Variants in LRBA observed in about 807,000 individuals in gnomAD.
The protein encoded by LRBA is lipopolysaccharide-responsive and beige-like anchor protein.
In LRBA, 176 loss-of-function variants were observed where a neutral mutation model predicts 330.0. The observed-to-expected ratio is 0.53, with a 90% CI of 0.47 to 0.60. The LOEUF is 0.60. Ranked by LOEUF, LRBA falls within the 20% of genes least tolerant of loss-of-function variation. The pLI is 0.00. For missense variants in LRBA, 3,259 were observed against 3,444.8 expected (o/e 0.95, Z 1.35); for synonymous variants, 1,230 against 1,193.0 (o/e 1.03, Z -0.64).
At chr4:150,903,036 T>C (rs1730926211) in intron 13 of LRBA, among the ~76,000 whole-genome samples, 1 of 152,110 alleles carries the variant, frequency 6.6e-6, no homozygotes, top group Non-Finnish European at 1.5e-5. Flanking sequence ...CTGAGAACAA[T>C]GGGAAACCAT....
chr4:150,988,817 TC>T (rs1316665370), intron 2 of LRBA, among the ~76,000 whole-genome samples: 3 of 151,992 alleles, frequency 2.0e-5, no homozygotes, highest in Non-Finnish European at 4.4e-5. Context: ...GACCTTGTGA[TC>T]CACCCACCTG....
At chr4:150,619,725 G>A (rs1776118119) in intron 37 of LRBA, among the ~76,000 whole-genome samples, 1 of 152,064 alleles carries the variant, frequency 6.6e-6, no homozygotes, top group Admixed American at 6.5e-5. Flanking sequence ...CTTCCCCACT[G>A]TTTGTATGAA....
intron 40 of LRBA, among the ~76,000 whole-genome samples, chr4:150,510,342 G>A (rs1018175252): frequency 1.3e-5 from 2 of 152,068 alleles, no homozygotes; most frequent in Non-Finnish European, 2.9e-5. Flanking sequence ...GAATATTAAA[G>A]AGGAAAGAAT....
At chr4:150,278,278 G>T (rs1360944913) in intron 55 of LRBA, among the ~76,000 whole-genome samples, 2 of 152,230 alleles carry the variant, frequency 1.3e-5, no homozygotes, top group South Asian at 2.1e-4. Flanking sequence ...CTGGAATGGT[G>T]TGTGTTGTGG....
intron 15 of LRBA, among the ~76,000 whole-genome samples, chr4:150,897,249 A>C (rs924311805): frequency 6.6e-6 from 1 of 152,042 alleles, no homozygotes; most frequent in African/African-American, 2.4e-5. Context: ...ATATATTGCT[A>C]TCTTATAAAA....
At chr4:150,769,013 C>T (rs1205367647) in intron 34 of LRBA, among the ~76,000 whole-genome samples, 2 of 137,860 alleles carry the variant, frequency 1.5e-5, no homozygotes, top group Admixed American at 8.3e-5. Context: ...TCTCGGCTCA[C>T]TGCAACCTCC....
At chr4:150,954,851 C>T (rs1272259739) in intron 2 of LRBA, among the ~76,000 whole-genome samples, 3 of 91,468 alleles carry the variant, frequency 3.3e-5, no homozygotes, top group South Asian at 7.4e-4. Context: ...ATAAAAGGAA[C>T]ACCAAGTATA....
chr4:150,528,753 A>T (rs1301835460), intron 40 of LRBA, among the ~76,000 whole-genome samples: 1 of 152,152 alleles, frequency 6.6e-6, no homozygotes, highest in Non-Finnish European at 1.5e-5. Context: ...AGGAATTTTT[A>T]AAAGGGGTTA....
At position 150,828,228 on chromosome 4, in the gene LRBA, A is replaced by C. The variant is rs1292890681; in HGVS notation, c.5123T>G (p.Leu1708Arg). 2 of 1,614,084 alleles carry C rather than the reference A, an allele frequency of 1.2e-6. No homozygotes were observed. The highest frequency in any genetic ancestry group is 8.5e-7 in the Non-Finnish European group (1 of 1,179,962). Residue 1708 changes from leucine (L) to arginine (R), a missense_variant, in exon 30 of 57, where the codon CTT (leucine) becomes CGT (arginine). Leu to Arg is a moderately radical substitution (Grantham distance 102). Transcript: ENST00000651943. Reference protein sequence around the residue: ...ALLPPACLGALGDLSVEQPVQ... With the variant: ...ALLPPACLGARGDLSVEQPVQ... Reference sequence around the variant, plus strand: ...GGGTTGTTCCACAGATAGATCACCAAGGGCTCCAAGGCAGGCTGGTGGCAG... The same window carrying C: ...GGGTTGTTCCACAGATAGATCACCACGGGCTCCAAGGCAGGCTGGTGGCAG...
chr4:150,749,776 GA>G (rs1030604018), intron 35 of LRBA, among the ~76,000 whole-genome samples: 10 of 145,566 alleles, frequency 6.9e-5, no homozygotes, highest in East Asian at 6.0e-4. Context: ...CAAATAAGCA[GA>G]AAAAAAAAAC....
chr4:150,432,453 C>CTTGTTTTTTTTT (rs1750534126), intron 46 of LRBA, among the ~76,000 whole-genome samples: 2 of 98,438 alleles, frequency 2.0e-5, no homozygotes, highest in East Asian at 3.2e-4. Flanking sequence ...TAAGTGTGTT[C>CTTGTTTTTTTTT]TTTTTTTTTT....
chr4:150,974,027 C>T (rs952505184), intron 2 of LRBA, among the ~76,000 whole-genome samples: 27 of 152,160 alleles, frequency 1.8e-4, no homozygotes, highest in African/African-American at 6.5e-4. Context: ...ACAATGAGTA[C>T]GGTATGCAAA....
chr4:150,949,341 T>G (rs773826821), intron 2 of LRBA, among the ~76,000 whole-genome samples: 1 of 152,084 alleles, frequency 6.6e-6, no homozygotes, highest in African/African-American at 2.4e-5. Flanking sequence ...CTCAAGTTCG[T>G]ACAGTCTTCT....
chr4:150,473,586 A>T (rs1756391397), intron 42 of LRBA, among the ~76,000 whole-genome samples: 1 of 152,126 alleles, frequency 6.6e-6, no homozygotes, highest in South Asian at 2.1e-4. Flanking sequence ...GGGAATCTAT[A>T]TTCTCCTCCT....
intron 34 of LRBA, among the ~76,000 whole-genome samples, chr4:150,790,887 T>C (rs952660626): frequency 6.6e-6 from 1 of 152,228 alleles, no homozygotes; most frequent in Non-Finnish European, 1.5e-5. Flanking sequence ...ATGAGTGTAT[T>C]AGAAGCCTAC....
chr4:150,806,369 G>A lies in LRBA; in HGVS notation c.5420C>T (p.Ala1807Val). 6.2e-7 allele frequency: 1 copy of A among 1,609,744 alleles called. No individual in the cohort carries two copies. The highest frequency in any genetic ancestry group is 8.5e-7 in the Non-Finnish European group (1 of 1,178,114). ...TERLEHALEK[A>V]APLLREIFVD... Reference sequence around the variant, plus strand: ...AAAAATCTCACGAAGGAGAGGAGCTGCCTTTTCCAAAGCGTGTTCAAGCCT... The same window carrying A: ...AAAAATCTCACGAAGGAGAGGAGCTACCTTTTCCAAAGCGTGTTCAAGCCT... The change falls in exon 33 of 57, where the codon GCA becomes GTA. Residue 1807 changes from alanine to valine, a missense_variant. Ala to Val is a moderately conservative substitution (Grantham distance 64, BLOSUM62 0). Coordinates refer to ENST00000651943, the MANE Select transcript of LRBA (RefSeq NM_001364905.1).
intron 37 of LRBA, 66 bp downstream of exon 37, chr4:150,683,484 AG>A (rs1391644677): frequency 1.6e-6 from 2 of 1,218,852 alleles, no homozygotes; most frequent in Non-Finnish European, 2.4e-6. Context: ...TCATATCCAA[AG>A]TCATTTATCT....
At chr4:150,604,329 A>G (rs541406218) in intron 37 of LRBA, among the ~76,000 whole-genome samples, 17 of 151,972 alleles carry the variant, frequency 1.1e-4, no homozygotes, top group Non-Finnish European at 1.6e-4. Context: ...TCTTGAGCCC[A>G]TAAGTTGGAG....
At chr4:150,899,562 G>T (rs546859633) in intron 14 of LRBA, among the ~76,000 whole-genome samples, 42 of 152,202 alleles carry the variant, frequency 2.8e-4, no homozygotes, top group African/African-American at 9.6e-4. Context: ...CATGATGAAT[G>T]AATATTACCC....
Sources: gnomAD v4.1 joint callset for allele counts (sites outside exome capture counted in the v4.1 genomes callset) on GRCh38, gnomAD v4.1.1 for gene constraint, MANE v1.5 for transcripts, NCBI Gene and HGNC (gene_info 2026-07-23, HGNC 2026-07-21) for gene names.